The following RNF115 variants were observed in gnomAD, a reference collection of about 807,000 sequenced individuals.
RNF115 encodes the protein E3 ubiquitin-protein ligase RNF115.
A neutral mutation model predicts 39.2 loss-of-function variants in RNF115; 31 were observed. That is an observed-to-expected ratio of 0.79 (90% CI 0.59 to 1.07). The LOEUF (loss-of-function observed/expected upper bound fraction) is 1.07. RNF115 is among the 50% of genes least tolerant of loss of function. RNF115 has a pLI of 0.00. For missense variants in RNF115, 384 were observed against 381.7 expected (o/e 1.01, Z -0.05); for synonymous variants, 124 against 131.0 (o/e 0.95, Z 0.37).
At chr1:145,772,244 CAGTGAACAGAAAATG>C (rs781925774) in intron 3 of RNF115, 5 of 190,960 alleles carry the variant, frequency 2.6e-5, no homozygotes, top group Non-Finnish European at 5.4e-5. Context: ...TTTTAACAAT[CAGTGAACAGAAAATG>C]ATTTTCCATT....
At chr1:145,751,583 G>T in intron 5 of RNF115, 73 bp from the exon 6 acceptor site, 1 of 1,039,426 alleles carries the variant, frequency 9.6e-7, no homozygotes, top group Non-Finnish European at 1.4e-6. Flanking sequence ...AAAAAAATTG[G>T]CAGAGGGATC....
At chr1:145,754,335 G>A (rs963733613) in intron 4 of RNF115, among the ~76,000 whole-genome samples, 3 of 139,748 alleles carry the variant, frequency 2.1e-5, no homozygotes, top group African/African-American at 8.3e-5. Flanking sequence ...ATTTTCAGAT[G>A]TACAAAACAC....
chr1:145,762,838 A>G (rs1026175896), intron 4 of RNF115, among the ~76,000 whole-genome samples: 2 of 152,232 alleles, frequency 1.3e-5, no homozygotes, highest in Non-Finnish European at 2.9e-5. Context: ...CATAAAAAAG[A>G]ACGAAATCAT....
intron 1 of RNF115, among the ~76,000 whole-genome samples, chr1:145,794,264 A>G (rs587621133): frequency 6.6e-6 from 1 of 152,288 alleles, no homozygotes; most frequent in East Asian, 1.9e-4. Flanking sequence ...AGCTTAAAAT[A>G]TTTCAATTAT....
rs187755951 is a variant in RNF115, at chr1:145,802,298, C to G, written c.103-13332G>C. 4.6e-5 allele frequency among the ~76,000 whole-genome samples: 7 copies of G among 152,250 alleles called. No individual in the cohort carries two copies. The East Asian group carries it at 1.4e-3, about 29-fold the overall frequency. On this transcript the variant is annotated intron_variant, in intron 1 of 8. Transcript: ENST00000582693. ...ACAACTCCCTAAGCATAGCTTAGCC[C>G]TGATGCTTACCCACTTAAAAGAACA...
rs1485547329 is a variant in RNF115, at chr1:145,743,848, T to A, written c.*3018A>T. The A allele has an allele frequency of 6.6e-6, 1 of 151,132 alleles. No homozygotes were observed. The highest frequency in any genetic ancestry group is 1.5e-5 in the Non-Finnish European group (1 of 67,810). 9.4% of individuals were successfully genotyped at this position (151,132 alleles called of 1,614,324 possible). A position where few individuals can be genotyped will look rare whatever the true frequency, so the allele number is the denominator to read the frequency against. On this transcript the variant is annotated 3_prime_UTR_variant, in exon 9 of 9. Coordinates refer to ENST00000582693, the MANE Select transcript of RNF115 (RefSeq NM_014455.4). Reference sequence around the variant, plus strand: ...ATAATAATAATAAATCCCTGAAGAATCCTAACTCCTCAACATAAATTAACC... The same window carrying A: ...ATAATAATAATAAATCCCTGAAGAAACCTAACTCCTCAACATAAATTAACC...
intron 1 of RNF115, among the ~76,000 whole-genome samples, chr1:145,799,754 G>A (rs1426651386): frequency 1.2e-4 from 19 of 152,152 alleles, no homozygotes; most frequent in Admixed American, 1.2e-3. Context: ...CACCATGCCT[G>A]GCTAATTGTG....
chr1:145,759,295 T>A (rs1282782887), intron 4 of RNF115, among the ~76,000 whole-genome samples: 1 of 152,194 alleles, frequency 6.6e-6, no homozygotes, highest in Non-Finnish European at 1.5e-5. Context: ...AGCCAAGACC[T>A]CTGCCTATTC....
intron 1 of RNF115, among the ~76,000 whole-genome samples, chr1:145,814,911 A>T (rs1259775320): frequency 6.6e-6 from 1 of 150,442 alleles, no homozygotes; most frequent in Non-Finnish European, 1.5e-5. Context: ...AAGGCGTCAA[A>T]ACACTGAAGT....
In RNF115 at chr1:145,750,404, TA is replaced by T; in HGVS notation, c.667+2del. ...GACAGAATAAGTATAAAAATGAACC[TA>T]CCAACTTGTTCCTGAGTTACTGTCA... On this transcript the variant is annotated splice_donor_variant, in intron 7 of 8. Coordinates refer to ENST00000582693, the MANE Select transcript of RNF115 (RefSeq NM_014455.4). LOFTEE classifies it high-confidence loss of function. 6.2e-7 allele frequency: 1 copy of T among 1,607,670 alleles called. No homozygotes were observed. Among genetic ancestry groups the T allele is most frequent in the Non-Finnish European group, 8.5e-7 (1 of 1,174,214 alleles).
intron 4 of RNF115, among the ~76,000 whole-genome samples, chr1:145,762,209 C>T (rs1464936119): frequency 2.6e-5 from 4 of 152,106 alleles, no homozygotes; most frequent in African/African-American, 9.7e-5. Flanking sequence ...TGGGTTAATG[C>T]CTAAATGAAT....
intron 4 of RNF115, among the ~76,000 whole-genome samples, chr1:145,767,850 G>A (rs930689217): frequency 1.3e-5 from 2 of 152,236 alleles, no homozygotes; most frequent in Admixed American, 1.3e-4. Context: ...GCGCGCGCCC[G>A]CAATCGCAGG....
chr1:145,762,893 G>A (rs1360739153), intron 4 of RNF115, among the ~76,000 whole-genome samples: 2 of 152,112 alleles, frequency 1.3e-5, no homozygotes, highest in African/African-American at 4.8e-5. Context: ...ATTAGCCTAA[G>A]CAACTTAACA....
rs72997746 is a variant in RNF115, at chr1:145,769,312, G to A, written c.428+2399C>T. On this transcript the variant is annotated intron_variant, in intron 4 of 8. Transcript: ENST00000582693. ...TGGTTATAGTGAGGATTAAACAAAT[G>A]AATACCTGTAAAGCATTTAGACTAG... is the stretch of plus-strand genomic sequence containing the variant. Among the ~76,000 whole-genome samples, 321 of 152,220 alleles carry A rather than the reference G, an allele frequency of 2.1e-3. 1 individual carries two copies. The highest frequency in any genetic ancestry group is 7.1e-3 in the African/African-American group (294 of 41,528).
At chr1:145,748,778 A>G (rs1559102051) in intron 7 of RNF115, among the ~76,000 whole-genome samples, 2 of 151,842 alleles carry the variant, frequency 1.3e-5, no homozygotes, top group Non-Finnish European at 2.9e-5. Flanking sequence ...CCACCTACTC[A>G]GGAGGCTGAG....
chr1:145,823,926 G>T lies in RNF115; in HGVS notation c.-53C>A. 7.6e-7 allele frequency: 1 copy of T among 1,307,246 alleles called. No homozygotes were observed. Among genetic ancestry groups the T allele is most frequent in the Non-Finnish European group, 1.0e-6 (1 of 983,576 alleles). The allele number at this position is 1,307,246 out of a possible 1,614,324, so 81.0% of individuals were successfully genotyped here. On this transcript the variant is annotated 5_prime_UTR_variant, in exon 1 of 9. It adds an upstream start codon to the 5' untranslated region. Transcript: ENST00000582693. ...AGGGCAGCCGGCCCGTCCCTCGCCAGGCCGCTACCTCCCGAGCTGCAGTCG... is the reference window on the plus strand; with the variant it reads ...AGGGCAGCCGGCCCGTCCCTCGCCATGCCGCTACCTCCCGAGCTGCAGTCG...
intron 4 of RNF115, 122 bp from the exon 5 acceptor site, chr1:145,753,171 A>G (rs1452437399): frequency 1.6e-6 from 1 of 641,586 alleles, no homozygotes; most frequent in Non-Finnish European, 2.8e-6. Context: ...TGGCTAGTAC[A>G]CAAGAGACAG....
intron 4 of RNF115, among the ~76,000 whole-genome samples, chr1:145,764,259 C>G (rs967625458): frequency 3.3e-5 from 5 of 152,196 alleles, no homozygotes; most frequent in South Asian, 4.1e-4. Context: ...GATCTCGGCT[C>G]GCTACAACCT....
In RNF115 at chr1:145,741,230, G is replaced by A. The variant is rs1553710943; in HGVS notation, c.*5636C>T. ...TTACATCCTATGATCACAGATCTAA[G>A]TGTTCTGGTTGAAAGAGGAAGAAGA... On this transcript the variant is annotated 3_prime_UTR_variant, in exon 9 of 9. Coordinates refer to ENST00000582693, the MANE Select transcript of RNF115 (RefSeq NM_014455.4). 1 of 152,180 alleles carries A rather than the reference G, an allele frequency of 6.6e-6. No individual in the cohort carries two copies. The allele number at this position is 152,180 out of a possible 1,614,324, so 9.4% of individuals were successfully genotyped here.
Sources: allele counts gnomAD v4.1 joint callset (sites outside exome capture counted in the v4.1 genomes callset), GRCh38; gene constraint gnomAD v4.1.1; transcripts MANE v1.5; gene names NCBI Gene and HGNC (gene_info 2026-07-23, HGNC 2026-07-21).